Variants in PAFAH1B1 observed in about 807,000 individuals in gnomAD.
PAFAH1B1 encodes the protein platelet activating factor acetylhydrolase 1b regulatory subunit 1.
PAFAH1B1 carries 2 observed loss-of-function variants against 57.5 expected under a neutral mutation model. The observed-to-expected ratio is 0.03, with a 90% CI of 0.01 to 0.11. The LOEUF is 0.11. Ranked by LOEUF, PAFAH1B1 falls within the 10% of genes least tolerant of loss-of-function variation. PAFAH1B1 has a pLI of 1.00. For synonymous variants in PAFAH1B1, 152 were observed against 169.6 expected (o/e 0.90, Z 0.81); for missense variants, 257 against 512.0 (o/e 0.50, Z 4.81).
Position 2,670,524 on chromosome 17 carries a change from ATCTT to A in PAFAH1B1, c.568+195_568+198del, listed in dbSNP as rs538508403. 342 of 594,334 alleles carry A rather than the reference ATCTT, an allele frequency of 5.8e-4. 1 individual carries two copies. The highest frequency in any genetic ancestry group is 8.2e-4 in the Non-Finnish European group (274 of 334,688). The allele number at this position is 594,334 out of a possible 1,614,324, so 36.8% of individuals were successfully genotyped here. A position where few individuals can be genotyped will look rare whatever the true frequency, so the allele number is the denominator to read the frequency against. On this transcript the variant is annotated intron_variant, in intron 6 of 10. Coordinates refer to ENST00000397195, the MANE Select transcript of PAFAH1B1 (RefSeq NM_000430.4). ...TGCTTTCTATTAGGAAGTTTTAAGT[ATCTT>A]TTAGTACTTTACATAAAATATTTGT...
intron 8 of PAFAH1B1, among the ~76,000 whole-genome samples, chr17:2,674,640 G>A (rs1406346634): frequency 6.6e-6 from 1 of 152,156 alleles, no homozygotes; most frequent in African/African-American, 2.4e-5. Context: ...TGAAGATAAT[G>A]ATTTTATTTA....
intron 2 of PAFAH1B1, among the ~76,000 whole-genome samples, chr17:2,663,107 C>CT (rs923827212): frequency 6.6e-6 from 1 of 150,660 alleles, no homozygotes; most frequent in African/African-American, 2.4e-5. Context: ...GAGTGAAACT[C>CT]TGTCTCTAAA....
chr17:2,651,848 T>C (rs895780719), intron 2 of PAFAH1B1, among the ~76,000 whole-genome samples: 2 of 152,154 alleles, frequency 1.3e-5, no homozygotes, highest in African/African-American at 2.4e-5. Context: ...CATTGACACA[T>C]TATTACTGAA....
chr17:2,678,379 G>T (rs1404021452), intron 9 of PAFAH1B1, among the ~76,000 whole-genome samples: 1 of 136,478 alleles, frequency 7.3e-6, no homozygotes, highest in Non-Finnish European at 1.5e-5. Context: ...TCCAGCCTGG[G>T]CAACAAGAGT....
intron 1 of PAFAH1B1, among the ~76,000 whole-genome samples, chr17:2,635,219 G>C (rs7209748): frequency 0.29 from 43,726 of 151,326 alleles, 6,495 homozygotes; most frequent in Middle Eastern, 0.37. Context: ...AAGACAATAC[G>C]TAGCACATAA....
At chr17:2,659,927 C>T (rs759397904) in intron 2 of PAFAH1B1, among the ~76,000 whole-genome samples, 36 of 152,200 alleles carry the variant, frequency 2.4e-4, no homozygotes, top group Non-Finnish European at 3.2e-4. Flanking sequence ...TATCTCTGCC[C>T]TGGAAATAAA....
chr17:2,628,010 A>C (rs544436436), intron 1 of PAFAH1B1, among the ~76,000 whole-genome samples: 2 of 152,196 alleles, frequency 1.3e-5, no homozygotes, highest in Non-Finnish European at 2.9e-5. Context: ...GTAAACGATC[A>C]TATCGTCAGC....
intron 6 of PAFAH1B1, 39 bp from the exon 7 acceptor site, chr17:2,672,616 G>A (rs767027798): frequency 8.6e-6 from 11 of 1,277,784 alleles, no homozygotes; most frequent in South Asian, 1.2e-5. Context: ...GCTCTTGGTG[G>A]TATATTACTT....
chr17:2,678,400 C>CAAAA (rs11394999), intron 9 of PAFAH1B1, among the ~76,000 whole-genome samples: 1 of 81,018 alleles, frequency 1.2e-5, no homozygotes, highest in African/African-American at 5.0e-5. Context: ...GAAACCATCT[C>CAAAA]AAAAAAAAAA....
chr17:2,679,478 TTGGATGGATGGATGGATGGATGATTGGA>T (rs1164934872), intron 9 of PAFAH1B1, among the ~76,000 whole-genome samples: 348 of 2,468 alleles, frequency 0.14, 5 homozygotes, highest in East Asian at 0.24. Context: ...GGATGGATGA[TTGGATGGATGGATGGATGGATGATTGGA>T]TGGATGGATG....
intron 10 of PAFAH1B1, 101 bp from the exon 11 acceptor site, chr17:2,681,628 A>ATTTTTTTT: frequency 2.4e-6 from 2 of 819,432 alleles, no homozygotes; most frequent in Non-Finnish European, 3.9e-6. Context: ...TGCCCGGCTA[A>ATTTTTTTT]TTTTTTTTTT....
chr17:2,672,504 C>A (rs1200265194), intron 6 of PAFAH1B1, 151 bp from the exon 7 acceptor site: 9 of 641,880 alleles, frequency 1.4e-5, no homozygotes, highest in Non-Finnish European at 2.5e-5. Context: ...TCGTGTAAAT[C>A]CAGGTTTCTT....
intron 1 of PAFAH1B1, among the ~76,000 whole-genome samples, chr17:2,629,841 T>G (rs1343587184): frequency 6.6e-6 from 1 of 152,216 alleles, no homozygotes; most frequent in African/African-American, 2.4e-5. Flanking sequence ...ATAACGTCCC[T>G]CTTTTTCTCT....
rs148254877 is a variant in PAFAH1B1 at position 2,616,011 on chromosome 17, G to T, written c.-191+22005G>T. Among the ~76,000 whole-genome samples the T allele has an allele frequency of 3.5e-3, 538 of 152,238 alleles. 2 individuals carry two copies. Among genetic ancestry groups the T allele is most frequent in the African/African-American group, 0.012 (484 of 41,538 alleles). On this transcript the variant is annotated intron_variant, in intron 1 of 10. Transcript: ENST00000397195. ...GAGGCAGTGAATACAAAAACTTAGT[G>T]GAAAGAAAGCAACGACGAAACAAGA...
At chr17:2,632,883 G>C (rs1019599317) in intron 1 of PAFAH1B1, among the ~76,000 whole-genome samples, 8 of 152,162 alleles carry the variant, frequency 5.3e-5, no homozygotes, top group Non-Finnish European at 1.0e-4. Flanking sequence ...GGATACTGAG[G>C]TGCACACTGT....
At chr17:2,612,933 G>T (rs1342055221) in intron 1 of PAFAH1B1, among the ~76,000 whole-genome samples, 1 of 151,410 alleles carries the variant, frequency 6.6e-6, no homozygotes, top group Non-Finnish European at 1.5e-5. Flanking sequence ...TGTACCATAA[G>T]CCTAAAAATG....
At chr17:2,607,812 A>G (rs926485942) in intron 1 of PAFAH1B1, among the ~76,000 whole-genome samples, 6 of 151,942 alleles carry the variant, frequency 3.9e-5, no homozygotes, top group South Asian at 2.1e-4. Context: ...CTTCTTTCCA[A>G]TTGTGTCCAC....
rs1301311248 is a variant in PAFAH1B1, at chr17:2,684,767, A to C, written c.*2965A>C. ...ACTCTCAAAATCACTAGTGTTAGCA[A>C]GTCGTCCCGGGCTGGGGAGCGTTCG... On this transcript the variant is annotated 3_prime_UTR_variant, in exon 11 of 11. Coordinates refer to ENST00000397195, the MANE Select transcript of PAFAH1B1 (RefSeq NM_000430.4). 6.6e-6 allele frequency: 1 copy of C among 152,618 alleles called. No individual in the cohort carries two copies. The highest frequency in any genetic ancestry group is 1.5e-5 in the Non-Finnish European group (1 of 68,060). 9.5% of individuals were successfully genotyped at this position (152,618 alleles called of 1,614,324 possible).
At chr17:2,639,121 A>G (rs1364629555) in intron 2 of PAFAH1B1, among the ~76,000 whole-genome samples, 1 of 149,646 alleles carries the variant, frequency 6.7e-6, no homozygotes, top group African/African-American at 2.5e-5. Context: ...GATGGTCTCA[A>G]TCTCCTGACC....
Sources: allele counts gnomAD v4.1 joint callset (sites outside exome capture counted in the v4.1 genomes callset), GRCh38; gene constraint gnomAD v4.1.1; transcripts MANE v1.5; gene names NCBI Gene and HGNC (gene_info 2026-07-23, HGNC 2026-07-21).